Variants in GPR39 observed in about 807,000 individuals in gnomAD.
The protein encoded by GPR39 is G protein-coupled receptor 39.
In GPR39, 23 loss-of-function variants were observed where a neutral mutation model predicts 18.4. That is an observed-to-expected ratio of 1.25 (90% CI 0.90 to 1.77). The LOEUF is 1.77. Ranked by LOEUF, GPR39 falls within the 40% of genes most tolerant of loss-of-function variation. The pLI is 0.00. For synonymous variants in GPR39, 280 were observed against 257.9 expected (o/e 1.09, Z -0.82); for missense variants, 647 against 602.4 (o/e 1.07, Z -0.78).
At chr2:132,586,284 C>T (rs914011807) in intron 1 of GPR39, among the ~76,000 whole-genome samples, 1 of 152,066 alleles carries the variant, frequency 6.6e-6, no homozygotes, top group Admixed American at 6.5e-5. Context: ...AGCAGCCTGT[C>T]GGTGATTCTG....
chr2:132,455,597 T>G (rs1262044252), intron 1 of GPR39, among the ~76,000 whole-genome samples: 1 of 152,242 alleles, frequency 6.6e-6, no homozygotes, highest in Non-Finnish European at 1.5e-5. Context: ...CGATCTTTCC[T>G]GCTTTCTCTT....
intron 1 of GPR39, among the ~76,000 whole-genome samples, chr2:132,624,128 T>C (rs1681498493): frequency 6.6e-6 from 1 of 152,192 alleles, no homozygotes; most frequent in Non-Finnish European, 1.5e-5. Flanking sequence ...TTCCGGAGGC[T>C]AAAAGTCTAA....
At chr2:132,440,788 A>G (rs917475100) in intron 1 of GPR39, among the ~76,000 whole-genome samples, 1 of 152,176 alleles carries the variant, frequency 6.6e-6, no homozygotes, top group African/African-American at 2.4e-5. Flanking sequence ...GTCATGAAAA[A>G]AAGTCAAAAG....
intron 1 of GPR39, among the ~76,000 whole-genome samples, chr2:132,455,429 C>G (rs907954340): frequency 2.6e-5 from 4 of 152,148 alleles, no homozygotes; most frequent in African/African-American, 7.2e-5. Context: ...TTTCAAAACA[C>G]CAGCTCCTGG....
At chr2:132,520,768 T>A (rs1251256321) in intron 1 of GPR39, among the ~76,000 whole-genome samples, 1 of 152,100 alleles carries the variant, frequency 6.6e-6, no homozygotes, top group East Asian at 1.9e-4. Flanking sequence ...GTGATGAGAG[T>A]CATTGAAGCA....
intron 1 of GPR39, among the ~76,000 whole-genome samples, chr2:132,516,394 G>A (rs1243721461): frequency 6.6e-6 from 1 of 152,188 alleles, no homozygotes; most frequent in Non-Finnish European, 1.5e-5. Flanking sequence ...ATGCACTCTA[G>A]GCTGATGGTT....
At chr2:132,492,663 A>G (rs180922445) in intron 1 of GPR39, among the ~76,000 whole-genome samples, 20 of 138,022 alleles carry the variant, frequency 1.4e-4, no homozygotes, top group Non-Finnish European at 2.0e-4. Context: ...ATATATACAC[A>G]CCATATATAT....
At chr2:132,456,054 G>A (rs1680722130) in intron 1 of GPR39, among the ~76,000 whole-genome samples, 1 of 152,124 alleles carries the variant, frequency 6.6e-6, no homozygotes, top group African/African-American at 2.4e-5. Flanking sequence ...CTGTCTCATT[G>A]ATCTGTCTAA....
chr2:132,644,861 T>TAAAGC, intron 1 of GPR39: 1 of 557,430 alleles, frequency 1.8e-6, no homozygotes, highest in South Asian at 2.4e-5. Context: ...ATACACTGTC[T>TAAAGC]AAAGCATTTA....
chr2:132,483,921 T>G (rs1324612347), intron 1 of GPR39, among the ~76,000 whole-genome samples: 1 of 152,188 alleles, frequency 6.6e-6, no homozygotes, highest in Non-Finnish European at 1.5e-5. Flanking sequence ...ATCCCAGGAA[T>G]CCAGATAGTA....
At chr2:132,451,727 A>G (rs903153671) in intron 1 of GPR39, among the ~76,000 whole-genome samples, 2 of 152,112 alleles carry the variant, frequency 1.3e-5, no homozygotes, top group African/African-American at 4.8e-5. Flanking sequence ...GTTTCTAATG[A>G]TATCTTTTGA....
chr2:132,523,130 A>C (rs1475033204), intron 1 of GPR39, among the ~76,000 whole-genome samples: 1 of 152,256 alleles, frequency 6.6e-6, no homozygotes, highest in Non-Finnish European at 1.5e-5. Context: ...CCTGCCAAGA[A>C]TTCCTGTGGC....
At chr2:132,574,464 C>T (rs1332224231) in intron 1 of GPR39, among the ~76,000 whole-genome samples, 1 of 152,186 alleles carries the variant, frequency 6.6e-6, no homozygotes, top group Non-Finnish European at 1.5e-5. Context: ...GACATGGTGG[C>T]TCATGCCTGT....
chr2:132,423,479 C>T (rs1477624311), intron 1 of GPR39, among the ~76,000 whole-genome samples: 2 of 152,092 alleles, frequency 1.3e-5, no homozygotes, highest in East Asian at 3.9e-4. Flanking sequence ...TTTATAACAC[C>T]CCTTAACTGC....
chr2:132,633,988 T>C (rs1573710082), intron 1 of GPR39, among the ~76,000 whole-genome samples: 2 of 150,638 alleles, frequency 1.3e-5, no homozygotes, highest in East Asian at 3.9e-4. Context: ...GGTGTAGAGG[T>C]GGAGATGATG....
At chr2:132,568,396 T>A (rs1472073783) in intron 1 of GPR39, among the ~76,000 whole-genome samples, 1 of 152,052 alleles carries the variant, frequency 6.6e-6, no homozygotes, top group Non-Finnish European at 1.5e-5. Flanking sequence ...GAGGTTTGCA[T>A]GATGCAATGT....
rs768740853 is a variant in GPR39 at position 132,417,362 on chromosome 2, C to G, written c.320C>G (p.Ser107Cys). The change falls in exon 1 of 2, where the codon TCC becomes TGC. Residue 107 changes from serine (S) to cysteine (C), a missense_variant. Physicochemically the swap from Ser to Cys is moderately radical, Grantham distance 112 (BLOSUM62 -1). Around this residue, in one of 3 missense-constraint regions of GPR39, gnomAD observed 581 missense variants for 506.8 expected, o/e 1.15. Coordinates refer to ENST00000329321, the MANE Select transcript of GPR39 (RefSeq NM_001508.3). ...NPLTTSSYTLSCKLHTFLFEA... is the reference protein window; with the variant it reads ...NPLTTSSYTLCCKLHTFLFEA... ...CTGACCACGTCCAGCTACACCCTGT[C>G]CTGCAAGCTGCACACTTTCCTCTTC... 8 of 1,614,194 alleles carry G rather than the reference C, an allele frequency of 5.0e-6. No homozygotes were observed. The South Asian group carries it at 8.8e-5, about 18-fold the overall frequency.
At chr2:132,546,914 G>T (rs1480743888) in intron 1 of GPR39, among the ~76,000 whole-genome samples, 3 of 151,176 alleles carry the variant, frequency 2.0e-5, no homozygotes, top group African/African-American at 7.3e-5. Flanking sequence ...GGAGGAAAGG[G>T]CTGGCTGACA....
Position 132,489,218 on chromosome 2 carries a change from A to G in GPR39, c.856+71320A>G, listed in dbSNP as rs531047691. On this transcript the variant is annotated intron_variant, in intron 1 of 1. Transcript: ENST00000329321. Reference sequence around the variant, plus strand: ...CGGTATCATTCCTCTTGGTGAAACCATATCTGTTTCTTACGCTGAAATATT... The same window carrying G: ...CGGTATCATTCCTCTTGGTGAAACCGTATCTGTTTCTTACGCTGAAATATT... The G allele has an allele frequency of 2.9e-5, 6 of 203,482 alleles. No homozygotes were observed. The South Asian group carries it at 5.0e-4, about 17-fold the overall frequency. The allele number at this position is 203,482 out of a possible 1,614,324, so 12.6% of individuals were successfully genotyped here.
Sources: gnomAD v4.1 joint callset for allele counts (sites outside exome capture counted in the v4.1 genomes callset) on GRCh38, gnomAD v4.1.1 for gene constraint, gnomAD v4.1.1 regional missense constraint, MANE v1.5 for transcripts, NCBI Gene and HGNC (gene_info 2026-07-23, HGNC 2026-07-21) for gene names.